PTPN11: variants seen among roughly 807,000 people sequenced by gnomAD.
The protein encoded by PTPN11 is tyrosine-protein phosphatase non-receptor type 11.
PTPN11 carries 6 observed loss-of-function variants against 78.8 expected under a neutral mutation model. That is an observed-to-expected ratio of 0.08 (90% confidence interval 0.04 to 0.15). The LOEUF (loss-of-function observed/expected upper bound fraction) is 0.15. Ranked by LOEUF, PTPN11 falls within the 10% of genes least tolerant of loss-of-function variation. The pLI is 1.00. For missense variants in PTPN11, 386 were observed against 744.8 expected (o/e 0.52, Z 5.61); for synonymous variants, 221 against 263.5 (o/e 0.84, Z 1.56).
At chr12:112,438,629 A>C (rs1188424965) in intron 1 of PTPN11, among the ~76,000 whole-genome samples, 1 of 151,944 alleles carries the variant, frequency 6.6e-6, no homozygotes, top group Non-Finnish European at 1.5e-5. Flanking sequence ...CTGCAGGTGC[A>C]TGCCACCATA....
chr12:112,461,300 A>AT (rs1019965352), intron 6 of PTPN11, among the ~76,000 whole-genome samples: 14 of 143,734 alleles, frequency 9.7e-5, no homozygotes, highest in African/African-American at 2.3e-4. Flanking sequence ...CCGAGGGTTG[A>AT]TTTTTTCCTT....
chr12:112,424,956 T>G (rs866377019), intron 1 of PTPN11, among the ~76,000 whole-genome samples: 2 of 89,004 alleles, frequency 2.2e-5, no homozygotes, highest in Non-Finnish European at 2.2e-5. Context: ...GTCAGGCTAA[T>G]TGTGTGTGTG....
chr12:112,489,255 A>G, intron 13 of PTPN11, 80 bp downstream of exon 13: 1 of 1,525,316 alleles, frequency 6.6e-7, no homozygotes, highest in Non-Finnish European at 9.1e-7. Flanking sequence ...GAGCAGGAGG[A>G]CAGGCTCTGA....
chr12:112,497,115 T>C (rs2038823112), intron 13 of PTPN11, among the ~76,000 whole-genome samples: 1 of 144,720 alleles, frequency 6.9e-6, no homozygotes, highest in Admixed American at 7.4e-5. Context: ...GAGCTTGCAG[T>C]GAGCTGAGAT....
intron 1 of PTPN11, among the ~76,000 whole-genome samples, chr12:112,433,214 T>C (rs2135837773): frequency 6.6e-6 from 1 of 152,338 alleles, no homozygotes; most frequent in South Asian, 2.1e-4. Context: ...ACCTTTTCTA[T>C]GTATGGATGT....
intron 6 of PTPN11, 138 bp downstream of exon 6, chr12:112,456,201 G>A (rs1296751693): frequency 1.6e-5 from 11 of 699,030 alleles, no homozygotes; most frequent in Admixed American, 8.7e-5. Flanking sequence ...TGATTGACAC[G>A]GAGCAAGTTG....
At chr12:112,472,883 G>A in intron 6 of PTPN11, 61 bp from the exon 7 acceptor site, 1 of 1,288,480 alleles carries the variant, frequency 7.8e-7, no homozygotes, top group Non-Finnish European at 1.1e-6. Flanking sequence ...GCTGATCCAG[G>A]CTTTTTTCTT....
intron 1 of PTPN11, among the ~76,000 whole-genome samples, chr12:112,439,830 A>G (rs2037855565): frequency 6.6e-6 from 1 of 151,604 alleles, no homozygotes; most frequent in African/African-American, 2.4e-5. Flanking sequence ...CCATAAACCC[A>G]ATATTCTGAA....
At chr12:112,477,763 A>C (rs372100307) in intron 8 of PTPN11, 33 bp downstream of exon 8, 33 of 1,604,998 alleles carry the variant, frequency 2.1e-5, no homozygotes, top group Non-Finnish European at 2.6e-5. Flanking sequence ...TTTTCTGACC[A>C]TACATTTCTA....
At position 112,449,191 on chromosome 12, in the gene PTPN11, C is replaced by CT. The variant is rs200333899; in HGVS notation, c.138-1115dup. Among the ~76,000 whole-genome samples, 317 of 142,880 alleles carry CT rather than the reference C, an allele frequency of 2.2e-3. 1 individual carries two copies. Among genetic ancestry groups the CT allele is most frequent in the Admixed American group, 4.7e-3 (67 of 14,276 alleles). The allele number at this position is 142,880 out of a possible 152,430, so 93.7% of individuals were successfully genotyped here. A position where few individuals can be genotyped will look rare whatever the true frequency, so the allele number is the denominator to read the frequency against. On this transcript the variant is annotated intron_variant, in intron 2 of 15. Transcript: ENST00000351677. ...CGTGAGCCACCATGCCTGGCCATCA[C>CT]TTTTTTTTTTTTCTTAATTGCTGCA...
At chr12:112,495,780 C>A (rs984993050) in intron 13 of PTPN11, among the ~76,000 whole-genome samples, 11 of 152,186 alleles carry the variant, frequency 7.2e-5, no homozygotes, top group African/African-American at 2.7e-4. Flanking sequence ...AAAATCATCT[C>A]ATGGGAAGCC....
intron 1 of PTPN11, among the ~76,000 whole-genome samples, chr12:112,434,436 G>A (rs2037758565): frequency 6.6e-6 from 1 of 151,592 alleles, no homozygotes; most frequent in African/African-American, 2.4e-5. Flanking sequence ...GGTGAAACCC[G>A]GTCTCTACTA....
At position 112,477,881 on chromosome 12, in the gene PTPN11, A is replaced by G; in HGVS notation, c.958A>G (p.Asn320Asp). The change falls in exon 9 of 16, where the codon AAT (asparagine) becomes GAT (aspartate). Residue 320 changes from asparagine (N) to aspartate (D), a missense_variant. By Grantham distance (23) the Asn-to-Asp change is conservative. Transcript: ENST00000351677. Reference protein sequence around the residue: ...IMPEFETKCNNSKPKKSYIAT... With the variant: ...IMPEFETKCNDSKPKKSYIAT... The stretch of plus-strand genomic sequence containing the variant: ...GCCTGAATTTGAAACCAAGTGCAAC[A>G]ATTCAAAGCCCAAAAAGAGTTACAT... 6.2e-7 allele frequency: 1 copy of G among 1,614,200 alleles called. No homozygotes were observed. Among genetic ancestry groups the G allele is most frequent in the Non-Finnish European group, 8.5e-7 (1 of 1,180,026 alleles).
intron 1 of PTPN11, among the ~76,000 whole-genome samples, chr12:112,423,303 T>G (rs79596821): frequency 6.6e-6 from 1 of 152,126 alleles, no homozygotes; most frequent in African/African-American, 2.4e-5. Context: ...TTTTTTTTTT[T>G]GAAATAGAGT....
chr12:112,442,831 TATATATATATATATATATA>T (rs2037918477), intron 1 of PTPN11, among the ~76,000 whole-genome samples: 1 of 1,658 alleles, frequency 6.0e-4, no homozygotes, highest in Non-Finnish European at 1.3e-3. Flanking sequence ...TCTCTCTTTT[TATATATATATATATATATA>T]TATATATATA....
intron 6 of PTPN11, among the ~76,000 whole-genome samples, chr12:112,460,581 C>T (rs191434878): frequency 4.6e-5 from 7 of 152,008 alleles, no homozygotes; most frequent in East Asian, 1.9e-4. Flanking sequence ...TGGTGGCACA[C>T]GGCTGTCATT....
At chr12:112,427,910 C>G (rs2135830272) in intron 1 of PTPN11, among the ~76,000 whole-genome samples, 1 of 152,094 alleles carries the variant, frequency 6.6e-6, no homozygotes, top group South Asian at 2.1e-4. Context: ...ACAACTATGC[C>G]CAGTTAAGTT....
In PTPN11 at chr12:112,482,293, C is replaced by A. The variant is rs2135907143; in HGVS notation, c.1224+88C>A. ...TCTTGCCGTTACTCATGTTTGCATA[C>A]ATGCATGCATTCGCTCACTCATTGA... is the stretch of plus-strand genomic sequence containing the variant. On this transcript the variant is annotated intron_variant, in intron 10 of 15. Coordinates refer to ENST00000351677, the MANE Select transcript of PTPN11 (RefSeq NM_002834.5). This position sits in a 1 kb window ranked among gnomAD's most constrained non-coding sequence, Gnocchi z 4.4. The A allele has an allele frequency of 7.0e-7, 1 of 1,436,536 alleles. No homozygotes were observed. The highest frequency in any genetic ancestry group is 9.8e-7 in the Non-Finnish European group (1 of 1,023,728). 89.0% of individuals were successfully genotyped at this position (1,436,536 alleles called of 1,614,324 possible).
chr12:112,435,653 T>TG (rs1250327628), intron 1 of PTPN11, among the ~76,000 whole-genome samples: 4 of 151,740 alleles, frequency 2.6e-5, no homozygotes, highest in Non-Finnish European at 5.9e-5. Flanking sequence ...TAAGGTTTTT[T>TG]TTTTTTTTTT....
Sources: gnomAD v4.1 joint callset for allele counts (sites outside exome capture counted in the v4.1 genomes callset) on GRCh38, gnomAD v4.1.1 for gene constraint, Gnocchi (gnomAD v3.1) non-coding constraint, MANE v1.5 for transcripts, NCBI Gene and HGNC (gene_info 2026-07-23, HGNC 2026-07-21) for gene names.